The following PRKN variants were observed in gnomAD, a reference collection of about 807,000 sequenced individuals.
The protein encoded by PRKN is E3 ubiquitin-protein ligase parkin.
In PRKN, 56 loss-of-function variants were observed where a neutral mutation model predicts 59.5. The observed-to-expected ratio is 0.94, with a 90% CI of 0.76 to 1.18. PRKN has a LOEUF of 1.18. Among genes scored for constraint, PRKN ranks in the 50% most tolerant of loss-of-function variants. The pLI is 0.00. For missense variants in PRKN, 657 were observed against 596.4 expected, an observed-to-expected ratio of 1.10 and a Z score of -1.06; for synonymous variants, 250 against 222.1, an observed-to-expected ratio of 1.13 and a Z score of -1.12.
At chr6:162,722,303 T>C (rs1306332266) in intron 1 of PRKN, among the ~76,000 whole-genome samples, 1 of 152,240 alleles carries the variant, frequency 6.6e-6, no homozygotes, top group African/African-American at 2.4e-5. Flanking sequence ...TTAAGAGTCC[T>C]AGGTAATTAG....
rs150999899 is a variant in PRKN, at chr6:162,328,418, T to C, written c.172-65653A>G. ...AACAAGCACACGTGAGAAGCCCTGC[T>C]TGTTCTGTGAACACAGTCATTTCTG... On this transcript the variant is annotated intron_variant, in intron 2 of 11. Coordinates refer to ENST00000366898, the MANE Select transcript of PRKN (RefSeq NM_004562.3). 2.7e-3 allele frequency among the ~76,000 whole-genome samples: 417 copies of C among 152,292 alleles called. 2 individuals are homozygous for C. The highest frequency in any genetic ancestry group is 6.3e-3 in the Admixed American group (97 of 15,294).
intron 2 of PRKN, among the ~76,000 whole-genome samples, chr6:162,395,212 T>C (rs1030677309): frequency 1.3e-5 from 2 of 152,208 alleles, no homozygotes; most frequent in Non-Finnish European, 2.9e-5. Context: ...GAATTATGGC[T>C]GCCCTGTGTG....
intron 3 of PRKN, among the ~76,000 whole-genome samples, chr6:162,237,829 T>C (rs540071358): frequency 1.3e-5 from 2 of 152,060 alleles, no homozygotes; most frequent in African/African-American, 4.8e-5. Flanking sequence ...TGCATTTCAT[T>C]ATCTCTCCCA....
chr6:162,092,976 G>A (rs955570558), intron 4 of PRKN, among the ~76,000 whole-genome samples: 5 of 152,180 alleles, frequency 3.3e-5, no homozygotes, highest in African/African-American at 7.2e-5. Flanking sequence ...TCTCAGAGCC[G>A]AAGCTCCATC....
At chr6:162,601,142 C>T (rs1333503300) in intron 1 of PRKN, among the ~76,000 whole-genome samples, 1 of 152,096 alleles carries the variant, frequency 6.6e-6, no homozygotes, top group East Asian at 1.9e-4. Flanking sequence ...TGGTGAAGGG[C>T]ACACATGTCA....
At chr6:162,403,791 G>A (rs567860411) in intron 2 of PRKN, among the ~76,000 whole-genome samples, 11 of 152,250 alleles carry the variant, frequency 7.2e-5, no homozygotes, top group East Asian at 1.9e-4. Flanking sequence ...TTACATGGGC[G>A]GGGAAATCAT....
At chr6:161,919,371 C>G (rs1384066712) in intron 6 of PRKN, among the ~76,000 whole-genome samples, 6 of 152,262 alleles carry the variant, frequency 3.9e-5, no homozygotes, top group Admixed American at 3.3e-4. Context: ...GAGGATGGCT[C>G]AAATATGCAT....
At chr6:162,252,530 TA>T (rs1779476823) in intron 3 of PRKN, among the ~76,000 whole-genome samples, 1 of 152,166 alleles carries the variant, frequency 6.6e-6, no homozygotes, top group South Asian at 2.1e-4. Flanking sequence ...CATTCAGACA[TA>T]AGAAATTTGG....
At chr6:161,836,592 C>T (rs990368905) in intron 6 of PRKN, among the ~76,000 whole-genome samples, 4 of 152,122 alleles carry the variant, frequency 2.6e-5, no homozygotes, top group Admixed American at 2.0e-4. Flanking sequence ...TGATTTTCTA[C>T]GTGTAAACCA....
intron 4 of PRKN, among the ~76,000 whole-genome samples, chr6:162,145,813 C>T (rs888239935): frequency 1.3e-5 from 2 of 152,128 alleles, no homozygotes; most frequent in Admixed American, 1.3e-4. Flanking sequence ...GGTCATACTC[C>T]TAAACAAACA....
rs368824454 is a variant in PRKN at position 161,757,142 on chromosome 6, TA to T, written c.871+28629del. On this transcript the variant is annotated intron_variant, in intron 7 of 11. Coordinates refer to ENST00000366898, the MANE Select transcript of PRKN (RefSeq NM_004562.3). ...AACATAAAGCTTCTAGAAGAAAACA[TA>T]GGGGAAAACCTTCATGACATTTTGT... is the stretch of plus-strand genomic sequence containing the variant. Among the ~76,000 whole-genome samples, 407 of 152,286 alleles carry T rather than the reference TA, an allele frequency of 2.7e-3. 2 individuals are homozygous for T. The highest frequency in any genetic ancestry group is 9.5e-3 in the African/African-American group (393 of 41,566).
At chr6:162,559,049 G>T (rs1779729013) in intron 1 of PRKN, among the ~76,000 whole-genome samples, 1 of 151,680 alleles carries the variant, frequency 6.6e-6, no homozygotes, top group Non-Finnish European at 1.5e-5. Context: ...TACTTGGGAG[G>T]CTGAGGCAGG....
chr6:161,698,406 T>TA (rs1336277422), intron 7 of PRKN, among the ~76,000 whole-genome samples: 1 of 152,186 alleles, frequency 6.6e-6, no homozygotes, highest in African/African-American at 2.4e-5. Flanking sequence ...GCCTAGAGTC[T>TA]AAATTTGTCT....
At position 161,456,109 on chromosome 6, in the gene PRKN, GAAGGACGCA is replaced by G. The variant is rs1789957055; in HGVS notation, c.1084-69241_1084-69233del. Among the ~76,000 whole-genome samples, 1 of 152,094 alleles carries G rather than the reference GAAGGACGCA, an allele frequency of 6.6e-6. No individual in the cohort carries two copies. The highest frequency in any genetic ancestry group is 1.5e-5 in the Non-Finnish European group (1 of 68,002). ...TATTGAGTGTCAACTTGATTGGATT[GAAGGACGCA>G]AAGTATTGTTCCTGGGTGTGTCTGT... is the stretch of plus-strand genomic sequence containing the variant. On this transcript the variant is annotated intron_variant, in intron 9 of 11. Transcript: ENST00000366898. The surrounding 1 kb of genome is among the most constrained non-coding windows in gnomAD (Gnocchi z 4.8).
chr6:161,393,292 A>T lies in PRKN; in HGVS notation c.1084-6415T>A, dbSNP rs1786601005. Among the ~76,000 whole-genome samples the T allele has an allele frequency of 6.6e-6, 1 of 152,160 alleles. No individual in the cohort carries two copies. The highest frequency in any genetic ancestry group is 2.4e-5 in the African/African-American group (1 of 41,404). The stretch of plus-strand genomic sequence containing the variant: ...CTTGTTAATTAAAGCAGTTCCCAGT[A>T]TACTGATAATAATGACTGTTATGTG... On this transcript the variant is annotated intron_variant, in intron 9 of 11. Transcript: ENST00000366898. This position sits in a 1 kb window ranked among gnomAD's most constrained non-coding sequence, Gnocchi z 4.7.
At chr6:162,279,652 A>G (rs1180294770) in intron 2 of PRKN, among the ~76,000 whole-genome samples, 1 of 152,048 alleles carries the variant, frequency 6.6e-6, no homozygotes, top group Admixed American at 6.5e-5. Flanking sequence ...GAGAAGAATG[A>G]TTTGGGGTGC....
intron 4 of PRKN, among the ~76,000 whole-genome samples, chr6:162,137,798 C>T (rs140827598): frequency 3.9e-5 from 6 of 152,290 alleles, no homozygotes; most frequent in Admixed American, 6.5e-5. Context: ...GATGGCTTAT[C>T]GCCTCTTAAA....
At position 161,444,263 on chromosome 6, in the gene PRKN, A is replaced by G. The variant is rs2115098923; in HGVS notation, c.1084-57386T>C. Among the ~76,000 whole-genome samples, 1 of 152,290 alleles carries G rather than the reference A, an allele frequency of 6.6e-6. No homozygotes were observed. On this transcript the variant is annotated intron_variant, in intron 9 of 11. Transcript: ENST00000366898. This position sits in a 1 kb window ranked among gnomAD's most constrained non-coding sequence, Gnocchi z 5.6. The stretch of plus-strand genomic sequence containing the variant: ...TCCTCTTGCCTGGAAGAGGCTCCCA[A>G]TCATCTGTCAACTTGTCTTTCCTAT...
intron 7 of PRKN, among the ~76,000 whole-genome samples, chr6:161,608,539 T>A (rs988968788): frequency 6.9e-6 from 1 of 143,890 alleles, no homozygotes; most frequent in Non-Finnish European, 1.5e-5. Flanking sequence ...CTATATTTAA[T>A]TTTTTTTTTT....
Sources: allele counts gnomAD v4.1 joint callset (sites outside exome capture counted in the v4.1 genomes callset), GRCh38; gene constraint gnomAD v4.1.1; non-coding constraint Gnocchi (gnomAD v3.1); transcripts MANE v1.5; gene names NCBI Gene and HGNC (gene_info 2026-07-23, HGNC 2026-07-21).